KAT2B: variants seen among roughly 807,000 people sequenced by gnomAD.
KAT2B encodes histone acetyltransferase KAT2B.
A neutral mutation model predicts 105.9 loss-of-function variants in KAT2B; 36 were observed. That is an observed-to-expected ratio of 0.34 (90% CI 0.26 to 0.45). KAT2B has a LOEUF of 0.45. Ranked by LOEUF, KAT2B falls within the 20% of genes least tolerant of loss-of-function variation. The pLI is 1.00. For missense variants in KAT2B, 820 were observed against 1,021.6 expected (o/e 0.80, Z 2.69); for synonymous variants, 397 against 377.9 (o/e 1.05, Z -0.59).
At chr3:20,114,226 A>G (rs531675073) in intron 6 of KAT2B, among the ~76,000 whole-genome samples, 2 of 152,300 alleles carry the variant, frequency 1.3e-5, no homozygotes, top group Admixed American at 1.3e-4. Flanking sequence ...GTAATTAATC[A>G]CTGGTTCCAA....
At chr3:20,091,221 A>G (rs1226818344) in intron 2 of KAT2B, among the ~76,000 whole-genome samples, 4 of 151,916 alleles carry the variant, frequency 2.6e-5, no homozygotes, top group Non-Finnish European at 5.9e-5. Context: ...TATTTTCATG[A>G]TTTAGTTTTG....
Position 20,068,803 on chromosome 3 carries a change from G to A in KAT2B, c.304-3530G>A, listed in dbSNP as rs558816751. On this transcript the variant is annotated intron_variant, in intron 1 of 17. Transcript: ENST00000263754. Reference sequence around the variant, plus strand: ...TGGTTATTACTGTTTTTTCCTTCTAGGTTTGGCCTGCCATATTTAATTGCT... The same window carrying A: ...TGGTTATTACTGTTTTTTCCTTCTAAGTTTGGCCTGCCATATTTAATTGCT... Among the ~76,000 whole-genome samples, 136 of 152,218 alleles carry A rather than the reference G, an allele frequency of 8.9e-4. 2 individuals are homozygous for A. The South Asian group carries it at 0.028, about 31-fold the overall frequency.
At chr3:20,092,775 C>T (rs566055058) in intron 2 of KAT2B, among the ~76,000 whole-genome samples, 7 of 152,118 alleles carry the variant, frequency 4.6e-5, no homozygotes, top group Admixed American at 3.9e-4. Flanking sequence ...GATGTCGGCT[C>T]ACTGCAATCT....
At chr3:20,109,032 G>T (rs1292832797) in intron 5 of KAT2B, among the ~76,000 whole-genome samples, 8 of 152,162 alleles carry the variant, frequency 5.3e-5, no homozygotes, top group Admixed American at 2.0e-4. Context: ...CAAGTGTGTA[G>T]TAGGTTCTAC....
At chr3:20,081,782 A>G (rs926772590) in intron 2 of KAT2B, among the ~76,000 whole-genome samples, 1 of 151,962 alleles carries the variant, frequency 6.6e-6, no homozygotes, top group African/African-American at 2.4e-5. Flanking sequence ...AAAAATTTAC[A>G]TAAAAGTCAT....
At chr3:20,123,175 C>T (rs12636894) in intron 9 of KAT2B, among the ~76,000 whole-genome samples, 5,201 of 152,222 alleles carry the variant, frequency 0.034, 244 homozygotes, top group East Asian at 0.2. Context: ...TTTCTCTCTG[C>T]GCCTCCCCAT....
chr3:20,074,664 G>A (rs1249091493), intron 2 of KAT2B, among the ~76,000 whole-genome samples: 1 of 152,160 alleles, frequency 6.6e-6, no homozygotes, highest in Non-Finnish European at 1.5e-5. Context: ...GTAGCTTCTA[G>A]AAGCTGAAAA....
At chr3:20,126,394 A>G (rs977828050) in intron 10 of KAT2B, among the ~76,000 whole-genome samples, 1 of 152,152 alleles carries the variant, frequency 6.6e-6, no homozygotes, top group African/African-American at 2.4e-5. Context: ...ATGTAACACT[A>G]AGATGTTCTG....
chr3:20,069,491 G>C (rs896040656), intron 1 of KAT2B, among the ~76,000 whole-genome samples: 2 of 150,440 alleles, frequency 1.3e-5, no homozygotes, highest in African/African-American at 2.5e-5. Flanking sequence ...GGATATAGGG[G>C]AGGGCAGAGA....
chr3:20,057,931 A>G (rs1157416153), intron 1 of KAT2B, among the ~76,000 whole-genome samples: 2 of 152,272 alleles, frequency 1.3e-5, no homozygotes, highest in South Asian at 2.1e-4. Context: ...AAACACAAGG[A>G]TTTCTTCCAG....
At chr3:20,047,635 C>G (rs1476554756) in intron 1 of KAT2B, among the ~76,000 whole-genome samples, 1 of 126,546 alleles carries the variant, frequency 7.9e-6, no homozygotes, top group Non-Finnish European at 1.6e-5. Context: ...TGAGACGGAG[C>G]CTCACTCTGT....
chr3:20,094,503 A>G (rs949826977), intron 2 of KAT2B, among the ~76,000 whole-genome samples: 8 of 152,126 alleles, frequency 5.3e-5, no homozygotes, highest in Non-Finnish European at 1.0e-4. Context: ...TACCGACCGC[A>G]TGGGATTGGG....
At chr3:20,109,456 A>G (rs1699081663) in intron 5 of KAT2B, among the ~76,000 whole-genome samples, 2 of 152,194 alleles carry the variant, frequency 1.3e-5, no homozygotes. Flanking sequence ...AGCTAGGAAT[A>G]TAGGTATGTG....
chr3:20,063,603 C>CACAATCTCA (rs1309937944), intron 1 of KAT2B, among the ~76,000 whole-genome samples: 1 of 135,336 alleles, frequency 7.4e-6, no homozygotes, highest in Non-Finnish European at 1.5e-5. Context: ...AATGTAGTGG[C>CACAATCTCA]ACAATCTCAG....
intron 1 of KAT2B, among the ~76,000 whole-genome samples, chr3:20,060,791 A>G (rs1698087331): frequency 2.0e-5 from 3 of 152,062 alleles, no homozygotes; most frequent in Non-Finnish European, 2.9e-5. Flanking sequence ...ATAAAATAAA[A>G]TAAATTATCC....
chr3:20,106,961 GTATATATATATATATATGTATATATATA>G (rs1286815253), intron 5 of KAT2B, among the ~76,000 whole-genome samples: 3,940 of 69,430 alleles, frequency 0.057, 194 homozygotes, highest in Non-Finnish European at 0.078. Flanking sequence ...AATTTTATGT[GTATATATATATATATATGTATATATATA>G]TATATATATA....
intron 12 of KAT2B, among the ~76,000 whole-genome samples, chr3:20,138,377 A>AC (rs1553598831): frequency 3.7e-4 from 54 of 144,370 alleles, no homozygotes; most frequent in African/African-American, 1.1e-3. Flanking sequence ...GAAATAGAAA[A>AC]TATTTAACCA....
intron 4 of KAT2B, among the ~76,000 whole-genome samples, chr3:20,100,686 G>A (rs1397330701): frequency 6.6e-6 from 1 of 151,966 alleles, no homozygotes; most frequent in Non-Finnish European, 1.5e-5. Flanking sequence ...AGAATTCATT[G>A]CTCTTTTATT....
intron 1 of KAT2B, among the ~76,000 whole-genome samples, chr3:20,046,389 C>T (rs969715856): frequency 6.6e-6 from 1 of 152,152 alleles, no homozygotes; most frequent in African/African-American, 2.4e-5. Flanking sequence ...CGAGACCAGC[C>T]TGGGCAACAT....
Sources: allele counts gnomAD v4.1 joint callset (sites outside exome capture counted in the v4.1 genomes callset), GRCh38; gene constraint gnomAD v4.1.1; transcripts MANE v1.5; gene names NCBI Gene and HGNC (gene_info 2026-07-23, HGNC 2026-07-21).